The following SEC24B variants were observed in gnomAD, a reference collection of about 807,000 sequenced individuals.
SEC24B encodes the protein SEC24 homolog B, COPII component, also known as protein transport protein Sec24B.
Under a neutral mutation model 142.8 loss-of-function variants are expected in SEC24B, and 45 were observed. The observed-to-expected ratio is 0.32, with a 90% CI of 0.25 to 0.40. The LOEUF (loss-of-function observed/expected upper bound fraction) is 0.40, where lower values mean the gene tolerates loss of function less well. SEC24B is among the 10% of genes least tolerant of loss of function. The pLI, the probability that SEC24B is intolerant of heterozygous loss-of-function variation, is 1.00. For missense variants in SEC24B, 1,409 were observed against 1,526.8 expected, an observed-to-expected ratio of 0.92 and a Z score of 1.29; for synonymous variants, 574 against 568.2, an observed-to-expected ratio of 1.01 and a Z score of -0.15.
chr4:109,516,476 AAAG>A, intron 10 of SEC24B, 49 bp from the exon 11 acceptor site: 1 of 1,097,246 alleles, frequency 9.1e-7, no homozygotes, highest in Non-Finnish European at 1.3e-6. Context: ...TAATATATAA[AAAG>A]AATAAATTGT....
At chr4:109,510,630 C>T (rs1233242547) in intron 8 of SEC24B, among the ~76,000 whole-genome samples, 1 of 152,142 alleles carries the variant, frequency 6.6e-6, no homozygotes, top group African/African-American at 2.4e-5. Flanking sequence ...GAGAGGAAAA[C>T]TGCCTGTTCC....
intron 2 of SEC24B, among the ~76,000 whole-genome samples, chr4:109,471,764 G>C (rs1293814875): frequency 6.6e-6 from 1 of 152,122 alleles, no homozygotes; most frequent in African/African-American, 2.4e-5. Context: ...GGCTAGACCA[G>C]CTTCCCTGCA....
intron 6 of SEC24B, among the ~76,000 whole-genome samples, chr4:109,498,363 C>CT (rs1735742646): frequency 6.6e-6 from 1 of 151,992 alleles, no homozygotes; most frequent in Non-Finnish European, 1.5e-5. Context: ...TAAAAGAAGC[C>CT]TTTTTTTATT....
intron 1 of SEC24B, 116 bp downstream of exon 1, chr4:109,434,118 C>A: frequency 1.4e-6 from 1 of 700,834 alleles, no homozygotes; most frequent in Non-Finnish European, 1.8e-6. Context: ...AGGCCCGGCC[C>A]GAGGGACGGG....
chr4:109,495,689 T>C (rs769037535), intron 6 of SEC24B, among the ~76,000 whole-genome samples: 23 of 152,184 alleles, frequency 1.5e-4, no homozygotes, highest in Non-Finnish European at 2.2e-4. Context: ...AAATGAATTA[T>C]CTTTGGCCAG....
chr4:109,460,232 G>T (rs1731115958), intron 1 of SEC24B, among the ~76,000 whole-genome samples: 1 of 152,022 alleles, frequency 6.6e-6, no homozygotes, highest in African/African-American at 2.4e-5. Flanking sequence ...ACATTACTTA[G>T]TACAAATTGA....
At chr4:109,527,771 ACT>A (rs1246483693) in intron 18 of SEC24B, among the ~76,000 whole-genome samples, 5 of 150,228 alleles carry the variant, frequency 3.3e-5, no homozygotes, top group South Asian at 2.1e-4. Context: ...ACAGAGTGAG[ACT>A]CTGTCTCAAA....
intron 4 of SEC24B, among the ~76,000 whole-genome samples, chr4:109,486,364 G>A (rs1319635569): frequency 1.3e-5 from 2 of 152,076 alleles, no homozygotes; most frequent in African/African-American, 4.8e-5. Flanking sequence ...TAAGTATATT[G>A]CCTTTGTTGA....
rs114815016 is a variant in SEC24B, at chr4:109,531,093, T to C, written c.3253-292T>C. 7.2e-3 allele frequency among the ~76,000 whole-genome samples: 1,103 copies of C among 152,220 alleles called. 7 individuals carry two copies. The highest frequency in any genetic ancestry group is 1.0e-2 in the Non-Finnish European group (680 of 68,004). ...GGACAGGAACTAATATTAAGCATCT[T>C]TCCATGTCTCTGGCACCATAAAAGG... On this transcript the variant is annotated intron_variant, in intron 19 of 23. Transcript: ENST00000265175.
At chr4:109,527,298 T>C (rs1198297809) in intron 17 of SEC24B, 24 bp from the exon 18 acceptor site, 7 of 1,447,084 alleles carry the variant, frequency 4.8e-6, no homozygotes, top group Non-Finnish European at 6.7e-6. Flanking sequence ...TGATCTAATG[T>C]ATTTTCAATG....
At position 109,525,495 on chromosome 4, in the gene SEC24B, T is replaced by A; in HGVS notation, c.2782T>A (p.Cys928Ser). The A allele has an allele frequency of 1.2e-6, 2 of 1,603,858 alleles. No homozygotes were observed. The highest frequency in any genetic ancestry group is 1.7e-6 in the Non-Finnish European group (2 of 1,175,508). Residue 928 changes from cysteine (C) to serine (S), a missense_variant, in exon 16 of 24, where the codon TGT becomes AGT. Cys to Ser is a moderately radical substitution (Grantham distance 112). Transcript: ENST00000265175. ...GTTTGAAGCTGTTATGAGAATAAGG[T>A]GTACTAAAGGTATGAAGTTGTAAAA... ...IGFEAVMRIR[C>S]TKGLSMHTFH...
chr4:109,512,790 T>A (rs1318252688), intron 9 of SEC24B, among the ~76,000 whole-genome samples: 1 of 151,304 alleles, frequency 6.6e-6, no homozygotes. Context: ...GCCTCCCAAG[T>A]AGCTGAGACT....
intron 1 of SEC24B, chr4:109,450,649 C>T (rs1425101321): frequency 1.4e-5 from 2 of 139,108 alleles, no homozygotes; most frequent in African/African-American, 2.7e-5. Context: ...CAGAGTGAGA[C>T]TCATCTCAAA....
chr4:109,516,453 C>T, intron 10 of SEC24B, 75 bp from the exon 11 acceptor site: 2 of 794,790 alleles, frequency 2.5e-6, no homozygotes. Flanking sequence ...CAGTAAATAT[C>T]CAGTAGCAAT....
At position 109,433,962 on chromosome 4, in the gene SEC24B, C is replaced by CGCGGGCCCGGGT. The variant is rs1728113340; in HGVS notation, c.104_115dup (p.Gly35_Pro38dup). Reference sequence around the variant, plus strand: ...CGGCCGTCTCAGGAGCCGCAGCGCCCGCGGGCCCGGGTGCGGGCCCGGCGC... The same window carrying CGCGGGCCCGGGT: ...CGGCCGTCTCAGGAGCCGCAGCGCCCGCGGGCCCGGGTGCGGGCCCGGGTGCGGGCCCGGCGC... On this transcript the variant is annotated inframe_insertion, in exon 1 of 24. Coordinates refer to ENST00000265175, the MANE Select transcript of SEC24B (RefSeq NM_006323.5). 3.2e-6 allele frequency: 4 copies of CGCGGGCCCGGGT among 1,233,474 alleles called. No homozygotes were observed. The highest frequency in any genetic ancestry group is 4.0e-6 in the Non-Finnish European group (4 of 989,846). The allele number at this position is 1,233,474 out of a possible 1,614,324, so 76.4% of individuals were successfully genotyped here. A position where few individuals can be genotyped will look rare whatever the true frequency, so the allele number is the denominator to read the frequency against.
chr4:109,525,224 A>C (rs1724086518), intron 15 of SEC24B, 122 bp from the exon 16 acceptor site: 1 of 839,332 alleles, frequency 1.2e-6, no homozygotes, highest in African/African-American at 1.7e-5. Context: ...GTATGTTCTT[A>C]TTTTGATGGC....
At chr4:109,516,021 CTGGA>C (rs1444400708) in intron 10 of SEC24B, among the ~76,000 whole-genome samples, 1 of 152,044 alleles carries the variant, frequency 6.6e-6, no homozygotes, top group Non-Finnish European at 1.5e-5. Flanking sequence ...GCACTCCAGC[CTGGA>C]TGACAGAGTG....
At chr4:109,504,413 T>C (rs1736483711) in intron 6 of SEC24B, among the ~76,000 whole-genome samples, 1 of 152,122 alleles carries the variant, frequency 6.6e-6, no homozygotes, top group African/African-American at 2.4e-5. Flanking sequence ...CCCCACTCCC[T>C]TTTTTTAATG....
chr4:109,439,011 G>C (rs1453623353), intron 1 of SEC24B, among the ~76,000 whole-genome samples: 6 of 152,086 alleles, frequency 3.9e-5, no homozygotes, highest in African/African-American at 1.4e-4. Flanking sequence ...TGAGGGGATG[G>C]GGCAGTCAGA....
Sources: gnomAD v4.1 joint callset for allele counts (sites outside exome capture counted in the v4.1 genomes callset) on GRCh38, gnomAD v4.1.1 for gene constraint, MANE v1.5 for transcripts, NCBI Gene and HGNC (gene_info 2026-07-23, HGNC 2026-07-21) for gene names.